RNF175: variants seen among roughly 807,000 people sequenced by gnomAD.
RNF175 encodes the protein ring finger protein 175.
RNF175 carries 38 observed loss-of-function variants against 50.0 expected under a neutral mutation model. That is an observed-to-expected ratio of 0.76 (90% confidence interval 0.59 to 1.00). The LOEUF (loss-of-function observed/expected upper bound fraction) is 1.00. RNF175 is among the 50% of genes least tolerant of loss of function. RNF175 has a pLI of 0.00. For missense variants in RNF175, 388 were observed against 409.6 expected (o/e 0.95, Z 0.46); for synonymous variants, 155 against 146.1 (o/e 1.06, Z -0.44).
At chr4:153,753,376 G>C (rs1376091701) in intron 1 of RNF175, among the ~76,000 whole-genome samples, 1 of 152,152 alleles carries the variant, frequency 6.6e-6, no homozygotes, top group East Asian at 1.9e-4. Context: ...CAGGCATGTG[G>C]AGGGAGAGTA....
At chr4:153,747,796 A>G (rs1454867059) in intron 3 of RNF175, among the ~76,000 whole-genome samples, 1 of 152,198 alleles carries the variant, frequency 6.6e-6, no homozygotes, top group African/African-American at 2.4e-5. Context: ...TGTTATAGTA[A>G]CAGACCCACT....
chr4:153,715,926 C>T (rs564747608), intron 6 of RNF175, among the ~76,000 whole-genome samples: 84 of 151,430 alleles, frequency 5.5e-4, no homozygotes, highest in South Asian at 3.5e-3. Context: ...TAGCCAGGTG[C>T]GGTGGTGGGT....
chr4:153,727,761 A>T (rs1212335711), intron 4 of RNF175: 1 of 152,374 alleles, frequency 6.6e-6, no homozygotes, highest in South Asian at 2.1e-4. Flanking sequence ...GGAATATTAA[A>T]CCATCATTTG....
chr4:153,718,068 T>C (rs770623211), intron 6 of RNF175, among the ~76,000 whole-genome samples: 4 of 152,106 alleles, frequency 2.6e-5, no homozygotes, highest in Non-Finnish European at 5.9e-5. Context: ...AACTCTATAG[T>C]TGCGCCTTTT....
chr4:153,732,012 C>T (rs543770339), intron 3 of RNF175, among the ~76,000 whole-genome samples: 1 of 152,062 alleles, frequency 6.6e-6, no homozygotes, highest in African/African-American at 2.4e-5. Context: ...TGGGTGGATC[C>T]CTTGAGGCCA....
Position 153,710,263 on chromosome 4 carries a change from T to G in RNF175, c.*106A>C, listed in dbSNP as rs1737472585. ...AAATTGCTTGACAACAAAGTTTACTTAGTTTTCTAAACACTTGGGATCATC... is the reference window on the plus strand; with the variant it reads ...AAATTGCTTGACAACAAAGTTTACTGAGTTTTCTAAACACTTGGGATCATC... On this transcript the variant is annotated 3_prime_UTR_variant, in exon 9 of 9. Coordinates refer to ENST00000347063, the MANE Select transcript of RNF175 (RefSeq NM_173662.4). The G allele has an allele frequency of 1.2e-6, 1 of 847,440 alleles. No individual in the cohort carries two copies. The highest frequency in any genetic ancestry group is 1.7e-5 in the African/African-American group (1 of 58,778). The allele number at this position is 847,440 out of a possible 1,614,324, so 52.5% of individuals were successfully genotyped here.
intron 7 of RNF175, chr4:153,714,897 A>T (rs1737806881): frequency 6.3e-6 from 1 of 159,390 alleles, no homozygotes; most frequent in Admixed American, 5.9e-5. Context: ...CCATTGGTGG[A>T]GGAGCCCATG....
At chr4:153,741,519 G>A (rs1019036391) in intron 3 of RNF175, among the ~76,000 whole-genome samples, 1 of 152,130 alleles carries the variant, frequency 6.6e-6, no homozygotes, top group Admixed American at 6.5e-5. Context: ...TGGCATTGTC[G>A]CTTCTGCTTT....
chr4:153,716,113 T>C (rs1472188186), intron 6 of RNF175, among the ~76,000 whole-genome samples: 7 of 150,856 alleles, frequency 4.6e-5, no homozygotes, highest in African/African-American at 1.7e-4. Context: ...TAAGATAGTT[T>C]AGAATGTGAG....
intron 6 of RNF175, among the ~76,000 whole-genome samples, chr4:153,718,230 G>GTTTTTTTTTTTTTTTTT (rs1272804247): frequency 1.9e-4 from 6 of 31,864 alleles, no homozygotes; most frequent in African/African-American, 3.3e-4. Flanking sequence ...TTGTTTGTTT[G>GTTTTTTTTTTTTTTTTT]TTTGTTTGTT....
chr4:153,743,524 T>C (rs1250526316), intron 3 of RNF175, among the ~76,000 whole-genome samples: 1 of 152,126 alleles, frequency 6.6e-6, no homozygotes, highest in Non-Finnish European at 1.5e-5. Context: ...CCATGAGACC[T>C]GAATCTGTCC....
intron 3 of RNF175, among the ~76,000 whole-genome samples, chr4:153,744,599 T>C (rs1739871335): frequency 6.6e-6 from 1 of 152,180 alleles, no homozygotes; most frequent in Admixed American, 6.5e-5. Context: ...AGATAATGAT[T>C]AATTTTAAAG....
At chr4:153,718,520 C>G (rs923925600) in intron 6 of RNF175, among the ~76,000 whole-genome samples, 3 of 152,002 alleles carry the variant, frequency 2.0e-5, no homozygotes, top group Non-Finnish European at 4.4e-5. Flanking sequence ...CGGGTTGGAT[C>G]AGGTGAGAAG....
chr4:153,745,761 A>T (rs973306301), intron 3 of RNF175: 1 of 152,242 alleles, frequency 6.6e-6, no homozygotes, highest in African/African-American at 2.4e-5. Flanking sequence ...CAAGAGGGCC[A>T]GAGAAAATGA....
At chr4:153,717,577 ATATC>A (rs895132121) in intron 6 of RNF175, among the ~76,000 whole-genome samples, 17 of 152,034 alleles carry the variant, frequency 1.1e-4, no homozygotes, top group African/African-American at 3.6e-4. Context: ...AAATATTTCT[ATATC>A]TATCCATGTA....
At chr4:153,716,558 T>G (rs1307035179) in intron 6 of RNF175, among the ~76,000 whole-genome samples, 1 of 152,214 alleles carries the variant, frequency 6.6e-6, no homozygotes, top group Non-Finnish European at 1.5e-5. Flanking sequence ...TAGGAAGCTT[T>G]TTTTTTTCCA....
Position 153,710,302 on chromosome 4 carries a change from AAATT to A in RNF175, c.*63_*66del, listed in dbSNP as rs1190251870. 7.7e-7 allele frequency: 1 copy of A among 1,299,284 alleles called. No individual in the cohort carries two copies. Among genetic ancestry groups the A allele is most frequent in the Non-Finnish European group, 1.0e-6 (1 of 977,542 alleles). The allele number at this position is 1,299,284 out of a possible 1,614,324, so 80.5% of individuals were successfully genotyped here. A position where few individuals can be genotyped will look rare whatever the true frequency, so the allele number is the denominator to read the frequency against. Reference sequence around the variant, plus strand: ...CTTGGGATCATCTCTAAAATTAAAAAAATTAATATTAAATGTTGGACCAAGGATT... The same window carrying A: ...CTTGGGATCATCTCTAAAATTAAAAAAATATTAAATGTTGGACCAAGGATT... On this transcript the variant is annotated 3_prime_UTR_variant, in exon 9 of 9. Transcript: ENST00000347063.
At chr4:153,740,429 C>A (rs150171365) in intron 3 of RNF175, among the ~76,000 whole-genome samples, 37 of 152,274 alleles carry the variant, frequency 2.4e-4, no homozygotes, top group African/African-American at 8.9e-4. Flanking sequence ...TCTATCACCT[C>A]AAATATTTAT....
At chr4:153,730,314 T>C (rs189739919) in intron 3 of RNF175, among the ~76,000 whole-genome samples, 48 of 152,172 alleles carry the variant, frequency 3.2e-4, no homozygotes, top group African/African-American at 1.1e-3. Context: ...TATGTGCCTG[T>C]AGTCCCAGCT....
Sources: allele counts gnomAD v4.1 joint callset (sites outside exome capture counted in the v4.1 genomes callset), GRCh38; gene constraint gnomAD v4.1.1; transcripts MANE v1.5; gene names NCBI Gene and HGNC (gene_info 2026-07-23, HGNC 2026-07-21).